Variants in PDE4D observed in about 807,000 individuals in gnomAD.
PDE4D encodes the protein 3',5'-cyclic-AMP phosphodiesterase 4D.
A neutral mutation model predicts 87.4 loss-of-function variants in PDE4D; 24 were observed. The ratio of observed to expected loss-of-function variants is 0.27; its 90% CI spans 0.20 to 0.39. PDE4D has a LOEUF of 0.39. Among genes scored for constraint, PDE4D ranks in the 10% least tolerant of loss-of-function variants. The pLI is 1.00. For synonymous variants in PDE4D, 384 were observed against 383.2 expected (o/e 1.00, Z -0.02); for missense variants, 714 against 1,041.0 (o/e 0.69, Z 4.32).
intron 1 of PDE4D, among the ~76,000 whole-genome samples, chr5:60,193,872 G>T (rs1740871113): frequency 1.3e-5 from 2 of 151,094 alleles, no homozygotes; most frequent in African/African-American, 4.8e-5. Flanking sequence ...TTATGCCTCA[G>T]CTTCCTTCCT....
chr5:59,218,041 T>G (rs968712979), intron 1 of PDE4D: 5 of 473,924 alleles, frequency 1.1e-5, no homozygotes, highest in Admixed American at 2.2e-5. Flanking sequence ...TTAAGAAGGT[T>G]TTTGAAGGTA....
At chr5:60,396,540 G>C (rs951831685) in intron 1 of PDE4D, among the ~76,000 whole-genome samples, 2 of 152,056 alleles carry the variant, frequency 1.3e-5, no homozygotes, top group Admixed American at 6.6e-5. Context: ...TTTAGAGACA[G>C]GGTCTTGCTC....
At chr5:59,303,327 C>T (rs1490900601) in intron 1 of PDE4D, among the ~76,000 whole-genome samples, 1 of 152,074 alleles carries the variant, frequency 6.6e-6, no homozygotes, top group Middle Eastern at 3.2e-3. Context: ...ATTTTTCTCC[C>T]ACTCTGTGGG....
chr5:60,254,740 G>A (rs760556674), intron 1 of PDE4D, among the ~76,000 whole-genome samples: 1 of 151,884 alleles, frequency 6.6e-6, no homozygotes, highest in Non-Finnish European at 1.5e-5. Context: ...GATTAAGCCA[G>A]TAATAAAATG....
intron 1 of PDE4D, among the ~76,000 whole-genome samples, chr5:59,611,249 C>G (rs545739056): frequency 2.6e-5 from 4 of 152,244 alleles, no homozygotes; most frequent in Non-Finnish European, 5.9e-5. Context: ...ACTGCAAGCT[C>G]ACAAGGCTCA....
At chr5:59,606,319 G>T (rs1828194503) in intron 1 of PDE4D, among the ~76,000 whole-genome samples, 1 of 152,072 alleles carries the variant, frequency 6.6e-6, no homozygotes, top group African/African-American at 2.4e-5. Context: ...TTAGAAACAT[G>T]CAACAGCACA....
intron 3 of PDE4D, among the ~76,000 whole-genome samples, chr5:59,914,140 A>G (rs547304866): frequency 3.9e-4 from 59 of 152,200 alleles, no homozygotes; most frequent in Non-Finnish European, 7.1e-4. Context: ...AATACATATG[A>G]ATAACTACTA....
chr5:59,513,388 C>T (rs1177267791), intron 1 of PDE4D, among the ~76,000 whole-genome samples: 1 of 152,082 alleles, frequency 6.6e-6, no homozygotes, highest in African/African-American at 2.4e-5. Flanking sequence ...GGTTTTCAAT[C>T]TCCTAAAAAA....
At chr5:60,048,434 T>G (rs948858646) in intron 2 of PDE4D, among the ~76,000 whole-genome samples, 3 of 152,186 alleles carry the variant, frequency 2.0e-5, no homozygotes, top group Non-Finnish European at 4.4e-5. Context: ...ATTTTGCTCG[T>G]TAATCGATGC....
intron 1 of PDE4D, among the ~76,000 whole-genome samples, chr5:59,462,903 T>TAA (rs200024265): frequency 8.8e-5 from 13 of 146,900 alleles, no homozygotes; most frequent in African/African-American, 3.2e-4. Context: ...AAGTTAATTG[T>TAA]AAAAAAAAAA....
At chr5:59,724,148 CTAAT>C (rs1426033620) in intron 1 of PDE4D, among the ~76,000 whole-genome samples, 1 of 151,974 alleles carries the variant, frequency 6.6e-6, no homozygotes, top group African/African-American at 2.4e-5. Context: ...AGGTTCACAG[CTAAT>C]TAATCACTGG....
intron 1 of PDE4D, among the ~76,000 whole-genome samples, chr5:59,258,262 C>T (rs1761346025): frequency 6.6e-6 from 1 of 151,896 alleles, no homozygotes. Flanking sequence ...CACAAAGAGA[C>T]ACACAGACAC....
chr5:60,230,649 T>C (rs1252143495), intron 1 of PDE4D, among the ~76,000 whole-genome samples: 1 of 152,102 alleles, frequency 6.6e-6, no homozygotes, highest in East Asian at 1.9e-4. Flanking sequence ...AAGTATTCCA[T>C]GATCTTTGAC....
At chr5:60,058,369 T>C (rs1323817849) in intron 2 of PDE4D, among the ~76,000 whole-genome samples, 1 of 151,940 alleles carries the variant, frequency 6.6e-6, no homozygotes, top group African/African-American at 2.4e-5. Context: ...AAGCAGTGAC[T>C]GAAACCAAAA....
chr5:59,027,170 C>T (rs2153381584), intron 6 of PDE4D, among the ~76,000 whole-genome samples: 1 of 152,222 alleles, frequency 6.6e-6, no homozygotes, highest in Non-Finnish European at 1.5e-5. Context: ...GGTAGAATAT[C>T]CCTCAACTGA....
intron 2 of PDE4D, among the ~76,000 whole-genome samples, chr5:59,989,827 C>T (rs1229291563): frequency 2.0e-5 from 3 of 152,248 alleles, no homozygotes; most frequent in Middle Eastern, 3.4e-3. Flanking sequence ...TTATAACATG[C>T]TTCTATAGAG....
intron 2 of PDE4D, among the ~76,000 whole-genome samples, chr5:60,124,903 G>T (rs1024983382): frequency 6.6e-6 from 1 of 152,032 alleles, no homozygotes. Flanking sequence ...TAAGTAATCA[G>T]CAGCATTCAC....
intron 1 of PDE4D, among the ~76,000 whole-genome samples, chr5:59,716,547 G>A (rs1475266815): frequency 6.6e-6 from 1 of 152,128 alleles, no homozygotes; most frequent in Non-Finnish European, 1.5e-5. Context: ...TAGGGAAGTT[G>A]GTAATCCTCT....
chr5:60,378,518 C>A (rs753232054), intron 1 of PDE4D, among the ~76,000 whole-genome samples: 3 of 152,020 alleles, frequency 2.0e-5, no homozygotes, highest in African/African-American at 7.3e-5. Flanking sequence ...TAGGAACCAG[C>A]CCCCTTGACA....
Sources: allele counts gnomAD v4.1 joint callset (sites outside exome capture counted in the v4.1 genomes callset), GRCh38; gene constraint gnomAD v4.1.1; transcripts MANE v1.5; gene names NCBI Gene and HGNC (gene_info 2026-07-23, HGNC 2026-07-21).